Variants in UBE2E2 observed in about 807,000 individuals in gnomAD.
The protein encoded by UBE2E2 is ubiquitin-conjugating enzyme E2 E2.
A neutral mutation model predicts 24.7 loss-of-function variants in UBE2E2; 6 were observed. That is an observed-to-expected ratio of 0.24 (90% CI 0.13 to 0.48). The LOEUF (loss-of-function observed/expected upper bound fraction) is 0.48. UBE2E2 is among the 20% of genes least tolerant of loss of function. The probability of loss-of-function intolerance (pLI) is 0.99; values close to 1 mark genes in which losing one functional copy is unlikely to be tolerated. For synonymous variants in UBE2E2, 104 were observed against 83.6 expected (o/e 1.24, Z -1.33); for missense variants, 169 against 245.0 (o/e 0.69, Z 2.07).
intron 3 of UBE2E2, among the ~76,000 whole-genome samples, chr3:23,436,923 T>C (rs1698198123): frequency 6.6e-6 from 1 of 152,222 alleles, no homozygotes; most frequent in Admixed American, 6.5e-5. Flanking sequence ...AGCTGGGTGC[T>C]ACAAGACATT....
chr3:23,243,629 C>G (rs1393453775), intron 3 of UBE2E2, among the ~76,000 whole-genome samples: 1 of 152,136 alleles, frequency 6.6e-6, no homozygotes, highest in Non-Finnish European at 1.5e-5. Flanking sequence ...TACTGTTCAG[C>G]CATAATCATT....
chr3:23,226,924 A>T (rs1453230464), intron 3 of UBE2E2, among the ~76,000 whole-genome samples: 1 of 151,924 alleles, frequency 6.6e-6, no homozygotes, highest in African/African-American at 2.4e-5. Context: ...TGTTGCATGA[A>T]TACAGGTTCA....
chr3:23,584,549 T>C (rs1034279889), intron 5 of UBE2E2, among the ~76,000 whole-genome samples: 1 of 144,166 alleles, frequency 6.9e-6, no homozygotes, highest in African/African-American at 2.7e-5. Flanking sequence ...TTACGCAATA[T>C]GACAATCTTT....
intron 5 of UBE2E2, among the ~76,000 whole-genome samples, chr3:23,539,699 T>C (rs1466328893): frequency 4.6e-5 from 7 of 152,188 alleles, no homozygotes; most frequent in Non-Finnish European, 8.8e-5. Context: ...TTTTTGACTG[T>C]TACAGAGTTG....
intron 5 of UBE2E2, among the ~76,000 whole-genome samples, chr3:23,533,739 T>C (rs1262121476): frequency 6.6e-6 from 1 of 151,390 alleles, no homozygotes; most frequent in Non-Finnish European, 1.5e-5. Context: ...TCTCCTATCT[T>C]AGCCCCCCAA....
At chr3:23,203,167 C>G, upstream of UBE2E2, 1 of 985,712 alleles carries the variant, frequency 1.0e-6, no homozygotes, top group South Asian at 4.5e-5. Flanking sequence ...GCTTCACTTT[C>G]CAGGACTCAG....
At chr3:23,578,739 A>T (rs1306500950) in intron 5 of UBE2E2, among the ~76,000 whole-genome samples, 1 of 152,128 alleles carries the variant, frequency 6.6e-6, no homozygotes, top group African/African-American at 2.4e-5. Flanking sequence ...AGTACATGGA[A>T]ACATGGTGAG....
At chr3:23,279,746 G>A (rs889601173) in intron 3 of UBE2E2, among the ~76,000 whole-genome samples, 14 of 152,218 alleles carry the variant, frequency 9.2e-5, no homozygotes, top group African/African-American at 3.4e-4. Context: ...CTAGTGTCAT[G>A]TGGTCTACCA....
In UBE2E2 at chr3:23,487,097, C is replaced by T. The variant is rs111980177; in HGVS notation, c.228-12511C>T. Among the ~76,000 whole-genome samples the T allele has an allele frequency of 4.3e-3, 657 of 152,328 alleles. 5 individuals carry two copies. The highest frequency in any genetic ancestry group is 0.017 in the Middle Eastern group (5 of 294). ...TACCCCCGGCCTCCCTCCCTGAGTT[C>T]GTCAGAACCCAAAGCTTCAGAGGCG... On this transcript the variant is annotated intron_variant, in intron 3 of 5. Transcript: ENST00000396703.
chr3:23,264,083 C>A (rs1448574895), intron 3 of UBE2E2, among the ~76,000 whole-genome samples: 3 of 152,044 alleles, frequency 2.0e-5, no homozygotes, highest in African/African-American at 7.2e-5. Flanking sequence ...GTAGGTACTA[C>A]CATTACCTAT....
intron 3 of UBE2E2, among the ~76,000 whole-genome samples, chr3:23,323,768 C>A (rs1014344585): frequency 6.6e-6 from 1 of 152,014 alleles, no homozygotes; most frequent in Non-Finnish European, 1.5e-5. Flanking sequence ...TCAATGTCAC[C>A]TTCTCTGTGA....
At chr3:23,401,218 G>T (rs549907323) in intron 3 of UBE2E2, among the ~76,000 whole-genome samples, 5 of 152,196 alleles carry the variant, frequency 3.3e-5, no homozygotes, top group African/African-American at 7.2e-5. Context: ...AGATCAAGAA[G>T]CTAGTAGAGT....
At chr3:23,535,208 TA>T (rs772286480) in intron 5 of UBE2E2, among the ~76,000 whole-genome samples, 6 of 152,240 alleles carry the variant, frequency 3.9e-5, no homozygotes, top group Non-Finnish European at 8.8e-5. Flanking sequence ...CAGCCCTGCC[TA>T]AATCACTGGA....
intron 4 of UBE2E2, among the ~76,000 whole-genome samples, chr3:23,514,326 C>G (rs1694678382): frequency 6.6e-6 from 1 of 152,210 alleles, no homozygotes; most frequent in African/African-American, 2.4e-5. Context: ...ATCCAAAGAC[C>G]TTATGTGCCT....
chr3:23,347,014 G>A (rs1458327463), intron 3 of UBE2E2, among the ~76,000 whole-genome samples: 1 of 152,150 alleles, frequency 6.6e-6, no homozygotes, highest in African/African-American at 2.4e-5. Flanking sequence ...TATCTTCAGT[G>A]CTATCCTGTG....
In UBE2E2 at chr3:23,490,906, T is replaced by C. The variant is rs1218422452; in HGVS notation, c.228-8702T>C. Among the ~76,000 whole-genome samples, 6 of 152,304 alleles carry C rather than the reference T, an allele frequency of 3.9e-5. No individual in the cohort carries two copies. The East Asian group carries it at 7.7e-4, about 20-fold the overall frequency. On this transcript the variant is annotated intron_variant, in intron 3 of 5. Coordinates refer to ENST00000396703, the MANE Select transcript of UBE2E2 (RefSeq NM_152653.4). ...TTTTCATCTTTACATCTCAAATCTG[T>C]AAAGTGTGATTGAGGGTAAATATCA...
At chr3:23,586,861 A>G (rs1043924426) in intron 5 of UBE2E2, among the ~76,000 whole-genome samples, 2 of 152,070 alleles carry the variant, frequency 1.3e-5, no homozygotes, top group African/African-American at 4.8e-5. Context: ...TATAAAAATC[A>G]TAGTTATTTT....
chr3:23,348,898 A>T (rs1695641524), intron 3 of UBE2E2, among the ~76,000 whole-genome samples: 1 of 152,160 alleles, frequency 6.6e-6, no homozygotes, highest in Non-Finnish European at 1.5e-5. Context: ...ATAAAGGATG[A>T]AGGACAAAGC....
At chr3:23,395,579 G>A (rs1023366146) in intron 3 of UBE2E2, among the ~76,000 whole-genome samples, 2 of 152,060 alleles carry the variant, frequency 1.3e-5, no homozygotes, top group African/African-American at 2.4e-5. Flanking sequence ...CATCCTTCTG[G>A]TTTGTTGACT....
Sources: gnomAD v4.1 joint callset for allele counts (sites outside exome capture counted in the v4.1 genomes callset) on GRCh38, gnomAD v4.1.1 for gene constraint, MANE v1.5 for transcripts, NCBI Gene and HGNC (gene_info 2026-07-23, HGNC 2026-07-21) for gene names.